The following CDC42BPA variants were observed in gnomAD, a reference collection of about 807,000 sequenced individuals.
The protein encoded by CDC42BPA is CDC42 binding protein kinase alpha.
CDC42BPA carries 80 observed loss-of-function variants against 223.5 expected under a neutral mutation model. That is an observed-to-expected ratio of 0.36 (90% CI 0.30 to 0.43). The LOEUF (loss-of-function observed/expected upper bound fraction) is 0.43. CDC42BPA is among the 20% of genes least tolerant of loss of function. CDC42BPA has a pLI of 1.00. For synonymous variants in CDC42BPA, 694 were observed against 718.6 expected (o/e 0.97, Z 0.55); for missense variants, 1,743 against 2,099.9 (o/e 0.83, Z 3.32).
Position 226,994,183 on chromosome 1 carries a change from G to C in CDC42BPA, c.*85C>G. 1 of 1,391,712 alleles carries C rather than the reference G, an allele frequency of 7.2e-7. No homozygotes were observed. Among genetic ancestry groups the C allele is most frequent in the South Asian group, 1.3e-5 (1 of 75,682 alleles). 86.2% of individuals were successfully genotyped at this position (1,391,712 alleles called of 1,614,324 possible). A position where few individuals can be genotyped will look rare whatever the true frequency, so the allele number is the denominator to read the frequency against. On this transcript the variant is annotated 3_prime_UTR_variant, in exon 37 of 37. Transcript: ENST00000366766. The surrounding 1 kb of genome is among the most constrained non-coding windows in gnomAD (Gnocchi z 4.0). Reference sequence around the variant, plus strand: ...CAGCCCCTGGTGGCTTTCAGGCCGAGCAGGCGAGGTGGAGGGAAGAGATGA... The same window carrying C: ...CAGCCCCTGGTGGCTTTCAGGCCGACCAGGCGAGGTGGAGGGAAGAGATGA...
intron 1 of CDC42BPA, among the ~76,000 whole-genome samples, chr1:227,303,854 C>T (rs4653816): frequency 6.6e-6 from 1 of 152,048 alleles, no homozygotes; most frequent in Non-Finnish European, 1.5e-5. Flanking sequence ...TAGTGAATTG[C>T]AGAAGGAAAT....
At position 227,134,987 on chromosome 1, in the gene CDC42BPA, C is replaced by T. The variant is rs77486376; in HGVS notation, c.1390+4589G>A. Among the ~76,000 whole-genome samples, 410 of 152,240 alleles carry T rather than the reference C, an allele frequency of 2.7e-3. 12 individuals are homozygous for T. In the East Asian group the frequency reaches 0.051, roughly 19 times the overall value. ...TTAAAAACATCTTTGGTTTATTTTA[C>T]TTAGTTCTCTTTGCTTTTTCAGTTG... On this transcript the variant is annotated intron_variant, in intron 10 of 36. Coordinates refer to ENST00000366766, the MANE Select transcript of CDC42BPA (RefSeq NM_001394014.1).
At chr1:227,212,154 G>A (rs898757937) in intron 3 of CDC42BPA, among the ~76,000 whole-genome samples, 1 of 149,962 alleles carries the variant, frequency 6.7e-6, no homozygotes, top group African/African-American at 2.4e-5. Context: ...TATTAGTTCT[G>A]GGTAACAGAA....
At chr1:227,307,984 C>G (rs1692852221) in intron 1 of CDC42BPA, among the ~76,000 whole-genome samples, 1 of 152,064 alleles carries the variant, frequency 6.6e-6, no homozygotes, top group Non-Finnish European at 1.5e-5. Flanking sequence ...AATTATATAA[C>G]AACAAAATGT....
chr1:227,068,658 TC>T, intron 21 of CDC42BPA: 2 of 1,199,042 alleles, frequency 1.7e-6, no homozygotes, highest in Non-Finnish European at 2.1e-6. Flanking sequence ...ACTTACGTCA[TC>T]CAAAAAATCA....
At chr1:227,037,102 C>A (rs944852441) in intron 24 of CDC42BPA, among the ~76,000 whole-genome samples, 5 of 152,174 alleles carry the variant, frequency 3.3e-5, no homozygotes, top group African/African-American at 1.2e-4. Flanking sequence ...TGACATGGGA[C>A]TTAAAGCCAG....
At chr1:227,210,849 A>G (rs1673743501) in intron 3 of CDC42BPA, among the ~76,000 whole-genome samples, 1 of 152,188 alleles carries the variant, frequency 6.6e-6, no homozygotes. Context: ...TACCAGTCCA[A>G]GGCCATGTCC....
rs1694694086 is a variant in CDC42BPA at position 227,318,153 on chromosome 1, C to CGCGG, written c.-972_-971insCCGC. The CGCGG allele has an allele frequency of 1.2e-5, 2 of 166,128 alleles. 1 individual carries two copies. Among genetic ancestry groups the CGCGG allele is most frequent in the African/African-American group, 5.0e-5 (2 of 39,960 alleles). The allele number at this position is 166,128 out of a possible 1,614,324, so 10.3% of individuals were successfully genotyped here. ...CGCCGGAGGCTCCCGACGCCCCAGG[C>CGCGG]GGGGGGGTGCTTCTCTGAATTCAAA... On this transcript the variant is annotated 5_prime_UTR_variant, in exon 1 of 37. Transcript: ENST00000366766.
intron 10 of CDC42BPA, among the ~76,000 whole-genome samples, chr1:227,132,870 A>G (rs1203058621): frequency 2.6e-4 from 34 of 129,010 alleles, no homozygotes; most frequent in Admixed American, 7.8e-5. Context: ...GCCCCGTCTG[A>G]GAAGTGAGGA....
intron 21 of CDC42BPA, among the ~76,000 whole-genome samples, chr1:227,062,111 C>T (rs1381290971): frequency 6.6e-6 from 1 of 152,038 alleles, no homozygotes; most frequent in African/African-American, 2.4e-5. Context: ...AAACATAGAC[C>T]CTTATTCTGG....
chr1:227,105,721 C>T (rs1049368054), intron 14 of CDC42BPA, among the ~76,000 whole-genome samples: 1 of 152,104 alleles, frequency 6.6e-6, no homozygotes, highest in African/African-American at 2.4e-5. Context: ...TTGTGTCTGG[C>T]TTCTTTTACT....
intron 10 of CDC42BPA, among the ~76,000 whole-genome samples, chr1:227,135,769 G>C (rs1658365648): frequency 6.7e-6 from 1 of 150,096 alleles, no homozygotes; most frequent in South Asian, 2.1e-4. Context: ...CAGGAGAATT[G>C]CTTGAACCTG....
In CDC42BPA at chr1:227,286,779, C is replaced by A. The variant is rs58817753; in HGVS notation, c.178+30226G>T. On this transcript the variant is annotated intron_variant, in intron 1 of 36. Coordinates refer to ENST00000366766, the MANE Select transcript of CDC42BPA (RefSeq NM_001394014.1). ...GCAAGCTGTACAAAAAAGCATGGCACCAGCATCTGTTTATGGTGAGGGCTT... is the reference window on the plus strand; with the variant it reads ...GCAAGCTGTACAAAAAAGCATGGCAACAGCATCTGTTTATGGTGAGGGCTT... Among the ~76,000 whole-genome samples the A allele has an allele frequency of 6.3e-3, 952 of 152,266 alleles. 14 individuals carry two copies. Among genetic ancestry groups the A allele is most frequent in the African/African-American group, 0.022 (907 of 41,548 alleles).
chr1:227,202,120 CTA>C (rs1671882449), intron 3 of CDC42BPA, among the ~76,000 whole-genome samples: 2 of 152,058 alleles, frequency 1.3e-5, no homozygotes, highest in Non-Finnish European at 2.9e-5. Flanking sequence ...GTAGCTGGGA[CTA>C]CAGGTGAGTG....
At chr1:227,156,120 GT>G (rs56169233) in intron 6 of CDC42BPA, among the ~76,000 whole-genome samples, 94,677 of 145,264 alleles carry the variant, frequency 0.65, 30,084 homozygotes, top group South Asian at 0.73. Context: ...CTTCATTATA[GT>G]TTTTTTTTTG....
chr1:227,107,379 T>C (rs566844841), intron 14 of CDC42BPA, among the ~76,000 whole-genome samples: 3 of 152,182 alleles, frequency 2.0e-5, no homozygotes, highest in Non-Finnish European at 4.4e-5. Context: ...TGTGTTGATC[T>C]TGCAGCCTGG....
intron 34 of CDC42BPA, chr1:227,011,060 C>G (rs1460196453): frequency 1.5e-6 from 2 of 1,326,520 alleles, no homozygotes; most frequent in Admixed American, 2.2e-5. Flanking sequence ...TAAGGGAAAC[C>G]TGGCTATCAA....
intron 12 of CDC42BPA, among the ~76,000 whole-genome samples, chr1:227,117,018 G>T (rs1283343848): frequency 6.6e-6 from 1 of 152,154 alleles, no homozygotes; most frequent in Non-Finnish European, 1.5e-5. Context: ...GCAGGAAGCA[G>T]TTGCTTCTTT....
chr1:227,170,886 C>A (rs189911512), intron 5 of CDC42BPA, among the ~76,000 whole-genome samples: 1 of 152,300 alleles, frequency 6.6e-6, no homozygotes, highest in Admixed American at 6.5e-5. Flanking sequence ...TGTCTCAGTG[C>A]CTGCTTCTGG....
Sources: allele counts gnomAD v4.1 joint callset (sites outside exome capture counted in the v4.1 genomes callset), GRCh38; gene constraint gnomAD v4.1.1; non-coding constraint Gnocchi (gnomAD v3.1); transcripts MANE v1.5; gene names NCBI Gene and HGNC (gene_info 2026-07-23, HGNC 2026-07-21).